Variants in KRT74 observed in about 807,000 individuals in gnomAD.
KRT74 encodes keratin, type II cytoskeletal 74.
In KRT74, 43 loss-of-function variants were observed where a neutral mutation model predicts 42.7. That is an observed-to-expected ratio of 1.01 (90% CI 0.79 to 1.30). KRT74 has a LOEUF of 1.30. KRT74 is among the 50% of genes most tolerant of loss of function. KRT74 has a pLI of 0.00. For synonymous variants in KRT74, 302 were observed against 279.0 expected (o/e 1.08, Z -0.82); for missense variants, 736 against 689.1 (o/e 1.07, Z -0.76).
intron 1 of KRT74, among the ~76,000 whole-genome samples, chr12:52,572,948 C>T (rs960947793): frequency 6.6e-6 from 1 of 152,188 alleles, no homozygotes; most frequent in Non-Finnish European, 1.5e-5. Context: ...TATGTCTCAA[C>T]TAAGTGTCTC....
Position 52,567,090 on chromosome 12 carries a change from C to G in KRT74, c.1469G>C (p.Gly490Ala). ...CCCGCTCTGGGTGCTGCCAGAGCTG[C>G]CTGCCACAGCGCTGGCCCCAAGGTC... ...GVDLGASAVA[G>A]SSGSTQSGQT... The change falls in exon 9 of 9, where the codon GGC becomes GCC. Residue 490 changes from glycine to alanine, a missense_variant. Physicochemically the swap from Gly to Ala is moderately conservative, Grantham distance 60 (BLOSUM62 0). Transcript: ENST00000305620. 1.3e-6 allele frequency: 2 copies of G among 1,599,324 alleles called. No homozygotes were observed. Among genetic ancestry groups the G allele is most frequent in the Non-Finnish European group, 1.7e-6 (2 of 1,168,616 alleles).
chr12:52,569,363 T>C (rs988200502), intron 6 of KRT74: 6 of 243,852 alleles, frequency 2.5e-5, no homozygotes, highest in Non-Finnish European at 4.7e-5. Flanking sequence ...CAACAGACCA[T>C]GCCCCACTCC....
At chr12:52,571,260 A>T in intron 4 of KRT74, 99 bp downstream of exon 4, 1 of 846,646 alleles carries the variant, frequency 1.2e-6, no homozygotes, top group Non-Finnish European at 2.1e-6. Flanking sequence ...CTACCAAAAC[A>T]TCTTTCATTT....
chr12:52,572,035 C>A, intron 2 of KRT74, 31 bp from the exon 3 acceptor site: 2 of 1,508,666 alleles, frequency 1.3e-6, no homozygotes, highest in Non-Finnish European at 9.2e-7. Context: ...TGGCCTTAGC[C>A]CCCTTAGCCA....
chr12:52,567,134 G>A lies in KRT74; in HGVS notation c.1425C>T (p.His475=), dbSNP rs1461775022. 7 of 1,605,692 alleles carry A rather than the reference G, an allele frequency of 4.4e-6. No homozygotes were observed. Among genetic ancestry groups the A allele is most frequent in the Non-Finnish European group, 5.1e-6 (6 of 1,173,758 alleles). The part of the protein sequence containing the change: ...VISSSSYSYH[H]PSSAGVDLGA... Reference sequence around the variant, plus strand: ...CAAGGTCAACACCCGCAGAGCTGGGGTGGTGGTAGCTGTAGCTGCTACTGC... The same window carrying A: ...CAAGGTCAACACCCGCAGAGCTGGGATGGTGGTAGCTGTAGCTGCTACTGC... Residue 475 remains histidine (H), a synonymous_variant, in exon 9 of 9, where the codon CAC becomes CAT. Coordinates refer to ENST00000305620, the MANE Select transcript of KRT74 (RefSeq NM_175053.4).
intron 6 of KRT74, chr12:52,569,590 T>C (rs769478609): frequency 5.2e-5 from 31 of 599,780 alleles, no homozygotes; most frequent in Non-Finnish European, 8.4e-5. Flanking sequence ...CTGGGGGCTC[T>C]GGGAAAGTCC....
At position 52,569,874 on chromosome 12, in the gene KRT74, C is replaced by T. The variant is rs757332458; in HGVS notation, c.1119G>A (p.Gly373=). 2 of 1,614,192 alleles carry T rather than the reference C, an allele frequency of 1.2e-6. No individual in the cohort carries two copies. Among genetic ancestry groups the T allele is most frequent in the Non-Finnish European group, 8.5e-7 (1 of 1,180,044 alleles). The stretch of plus-strand genomic sequence containing the variant: ...TGCTGCCCACCTGCTTCTTCACATT[C>T]CCGATCTCACACCGGATCCTCTGGA... ...RLIQRIRCEI[G]NVKKQRASLE... is the part of the protein sequence containing the mutation. The change falls in exon 6 of 9, where the codon GGG becomes GGA. Residue 373 remains glycine, a synonymous_variant. Coordinates refer to ENST00000305620, the MANE Select transcript of KRT74 (RefSeq NM_175053.4).
At position 52,573,644 on chromosome 12, in the gene KRT74, A is replaced by G; in HGVS notation, c.134T>C (p.Phe45Ser). Residue 45 changes from phenylalanine to serine, a missense_variant, in exon 1 of 9, where the codon TTT becomes TCT. Phe to Ser is a radical substitution (Grantham distance 155). Coordinates refer to ENST00000305620, the MANE Select transcript of KRT74 (RefSeq NM_175053.4). ...AAGGCTATAGAGGCTCCGACTGCCA[A>G]AGCCAGCGCCAGCCCCTCTGCCAGC... is the stretch of plus-strand genomic sequence containing the variant. The part of the protein sequence containing the change: ...CAAGRGAGAG[F>S]GSRSLYSLGG... 1 of 1,614,182 alleles carries G rather than the reference A, an allele frequency of 6.2e-7. No individual in the cohort carries two copies. The highest frequency in any genetic ancestry group is 2.2e-5 in the East Asian group (1 of 44,890).
chr12:52,572,681 C>G lies in KRT74; in HGVS notation c.472-14G>C, dbSNP rs372642733. ...TAGGAAGCGTACCTGGAACCCAAAT[C>G]AACAGACACCTGGAACCACAATGGG... is the stretch of plus-strand genomic sequence containing the variant. On this transcript the variant is annotated splice_polypyrimidine_tract_variant and intron_variant, in intron 1 of 8. Transcript: ENST00000305620. The G allele has an allele frequency of 4.5e-4, 730 of 1,612,324 alleles. 4 individuals are homozygous for G. The highest frequency in any genetic ancestry group is 4.4e-3 in the South Asian group (396 of 91,024).
intron 4 of KRT74, 135 bp downstream of exon 4, chr12:52,571,224 C>T (rs894483878): frequency 4.3e-6 from 3 of 704,298 alleles, no homozygotes; most frequent in South Asian, 3.2e-5. Flanking sequence ...CTTCCATGGT[C>T]TCCTGGTGCA....
intron 7 of KRT74, 92 bp downstream of exon 7, chr12:52,568,077 G>T: frequency 7.1e-7 from 1 of 1,403,794 alleles, no homozygotes; most frequent in Non-Finnish European, 1.0e-6. Context: ...TGCTTGTATT[G>T]GCACTAACCA....
At chr12:52,568,863 G>C (rs980426039) in intron 6 of KRT74, among the ~76,000 whole-genome samples, 1 of 152,204 alleles carries the variant, frequency 6.6e-6, no homozygotes, top group Non-Finnish European at 1.5e-5. Flanking sequence ...ACTCTGGGGA[G>C]AGTCTGTGTG....
Position 52,570,802 on chromosome 12 carries a change from T to C in KRT74, c.875A>G (p.Glu292Gly). ...GTCCATGGACAGGATGACAGAGGTC[T>C]CACTGGCGTGAGTCTGGATCTGAGC... ...EIAQIQTHASETSVILSMDNN... is the reference protein window; with the variant it reads ...EIAQIQTHASGTSVILSMDNN... The change falls in exon 5 of 9, where the codon GAG becomes GGG. Residue 292 changes from glutamate (E) to glycine (G), a missense_variant. Coordinates refer to ENST00000305620, the MANE Select transcript of KRT74 (RefSeq NM_175053.4). 1 of 1,614,254 alleles carries C rather than the reference T, an allele frequency of 6.2e-7. No homozygotes were observed. Among genetic ancestry groups the C allele is most frequent in the Non-Finnish European group, 8.5e-7 (1 of 1,180,032 alleles).
At chr12:52,567,190 C>CA in intron 8 of KRT74, 22 bp from the exon 9 acceptor site, 2 of 1,554,576 alleles carry the variant, frequency 1.3e-6, no homozygotes, top group Non-Finnish European at 1.7e-6. Context: ...GGGCCAAGAG[C>CA]AGGGGAGAGG....
chr12:52,567,006 G>A lies in KRT74; in HGVS notation c.1553C>T (p.Thr518Ile), dbSNP rs192063771. Residue 518 changes from threonine to isoleucine, a missense_variant, in exon 9 of 9, where the codon ACC becomes ATC. Physicochemically the swap from Thr to Ile is moderately conservative, Grantham distance 89. Coordinates refer to ENST00000305620, the MANE Select transcript of KRT74 (RefSeq NM_175053.4). Reference sequence around the variant, plus strand: ...TTTCCTTGCTGGGATGCTGGCTGGGGTGCTCTTGCCCTGGGTGTCCTTGAG... The same window carrying A: ...TTTCCTTGCTGGGATGCTGGCTGGGATGCTCTTGCCCTGGGTGTCCTTGAG... ...GDLKDTQGKSTPASIPARKAT... is the reference protein window; with the variant it reads ...GDLKDTQGKSIPASIPARKAT... 6.2e-6 allele frequency: 10 copies of A among 1,608,230 alleles called. No homozygotes were observed. In the African/African-American group the frequency reaches 1.3e-4, roughly 21 times the overall value.
At position 52,573,841 on chromosome 12, in the gene KRT74, G is replaced by T. The variant is rs1037810377; in HGVS notation, c.-64C>A. The T allele has an allele frequency of 1.6e-6, 2 of 1,261,054 alleles. No homozygotes were observed. Among genetic ancestry groups the T allele is most frequent in the Non-Finnish European group, 2.3e-6 (2 of 866,996 alleles). 78.1% of individuals were successfully genotyped at this position (1,261,054 alleles called of 1,614,324 possible). On this transcript the variant is annotated 5_prime_UTR_variant, in exon 1 of 9. Coordinates refer to ENST00000305620, the MANE Select transcript of KRT74 (RefSeq NM_175053.4). ...GTCTCCAAGGGGTAGAGAACACACTGATGGGGCACCCAGAGTGCTGCCTCC... is the reference window on the plus strand; with the variant it reads ...GTCTCCAAGGGGTAGAGAACACACTTATGGGGCACCCAGAGTGCTGCCTCC...
chr12:52,569,669 C>T (rs1218338147), intron 6 of KRT74, 190 bp downstream of exon 6: 1 of 698,412 alleles, frequency 1.4e-6, no homozygotes, highest in Non-Finnish European at 2.5e-6. Context: ...TGAGGCTCCT[C>T]CCAGTTCTGG....
In KRT74 at chr12:52,566,815, G is replaced by T; in HGVS notation, c.*154C>A. The stretch of plus-strand genomic sequence containing the variant: ...AGGGAAGGTGACTGTGTCAATCAGA[G>T]CTTGAAAGTAAAAGCTAAACCACGA... On this transcript the variant is annotated 3_prime_UTR_variant, in exon 9 of 9. Transcript: ENST00000305620. The T allele has an allele frequency of 7.6e-5, 44 of 580,802 alleles. No homozygotes were observed. The highest frequency in any genetic ancestry group is 2.8e-4 in the Admixed American group (11 of 38,732). The allele number at this position is 580,802 out of a possible 1,614,324, so 36.0% of individuals were successfully genotyped here.
At position 52,573,815 on chromosome 12, in the gene KRT74, A is replaced by G. The variant is rs55664009; in HGVS notation, c.-38T>C. On this transcript the variant is annotated 5_prime_UTR_variant, in exon 1 of 9. Transcript: ENST00000305620. Reference sequence around the variant, plus strand: ...TGAGTTGACAGAGCTGGAGAAAAGCAGTCTCCAAGGGGTAGAGAACACACT... The same window carrying G: ...TGAGTTGACAGAGCTGGAGAAAAGCGGTCTCCAAGGGGTAGAGAACACACT... 3,893 of 1,526,098 alleles carry G rather than the reference A, an allele frequency of 2.6e-3. 6 individuals are homozygous for G. The highest frequency in any genetic ancestry group is 3.4e-3 in the Non-Finnish European group (3,716 of 1,101,786). The allele number at this position is 1,526,098 out of a possible 1,614,324, so 94.5% of individuals were successfully genotyped here.
Sources: allele counts gnomAD v4.1 joint callset (sites outside exome capture counted in the v4.1 genomes callset), GRCh38; gene constraint gnomAD v4.1.1; transcripts MANE v1.5; gene names NCBI Gene and HGNC (gene_info 2026-07-23, HGNC 2026-07-21).